The following DPP6 variants were observed in gnomAD, a reference collection of about 807,000 sequenced individuals.
DPP6 encodes the protein A-type potassium channel modulatory protein DPP6.
In DPP6, 69 loss-of-function variants were observed where a neutral mutation model predicts 122.6. That is an observed-to-expected ratio of 0.56 (90% CI 0.46 to 0.69). DPP6 has a LOEUF of 0.69. Among genes scored for constraint, DPP6 ranks in the 30% least tolerant of loss-of-function variants. The pLI, the probability that DPP6 is intolerant of heterozygous loss-of-function variation, is 0.00. For synonymous variants in DPP6, 418 were observed against 433.1 expected, an observed-to-expected ratio of 0.97 and a Z score of 0.43; for missense variants, 928 against 1,116.9, an observed-to-expected ratio of 0.83 and a Z score of 2.41.
rs71182854 is a variant in DPP6 at position 153,928,396 on chromosome 7, A to ATTTTTTTTTTTTTTTTTTTTTTTTTTT, written c.51+40687_51+40688insTTTTTTTTTTTTTTTTTTTTTTTTTTT. Among the ~76,000 whole-genome samples the ATTTTTTTTTTTTTTTTTTTTTTTTTTT allele has an allele frequency of 2.1e-3, 90 of 43,690 alleles. 18 individuals are homozygous for ATTTTTTTTTTTTTTTTTTTTTTTTTTT. The highest frequency in any genetic ancestry group is 4.0e-3 in the Admixed American group (10 of 2,484). 28.7% of individuals were successfully genotyped at this position (43,690 alleles called of 152,430 possible). On this transcript the variant is annotated intron_variant, in intron 1 of 25. Transcript: ENST00000404039. Reference sequence around the variant, plus strand: ...CTGGCTAATTTTTTTCTTTTCTTTCATTTTTTTTTTTTTTTTTTTTTTTTT... The same window carrying ATTTTTTTTTTTTTTTTTTTTTTTTTTT: ...CTGGCTAATTTTTTTCTTTTCTTTCATTTTTTTTTTTTTTTTTTTTTTTTTTTTTTTTTTTTTTTTTTTTTTTTTTTT...
intron 1 of DPP6, among the ~76,000 whole-genome samples, chr7:154,232,968 A>G (rs570550408): frequency 6.6e-6 from 1 of 152,368 alleles, no homozygotes; most frequent in African/African-American, 2.4e-5. Context: ...CACTATTTAT[A>G]TCACAGATTA....
chr7:154,653,200 T>C (rs542220980), intron 6 of DPP6, among the ~76,000 whole-genome samples: 2 of 152,286 alleles, frequency 1.3e-5, no homozygotes, highest in African/African-American at 4.8e-5. Flanking sequence ...TTTAAGAAGG[T>C]AAACAGAGCT....
chr7:154,210,668 G>A (rs894307772), intron 1 of DPP6, among the ~76,000 whole-genome samples: 2 of 152,072 alleles, frequency 1.3e-5, no homozygotes, highest in African/African-American at 2.4e-5. Flanking sequence ...GCACCTGGAC[G>A]AGCCCTGAGG....
intron 6 of DPP6, among the ~76,000 whole-genome samples, chr7:154,664,655 CTTT>C (rs59357287): frequency 7.9e-6 from 1 of 127,252 alleles, no homozygotes; most frequent in Non-Finnish European, 1.7e-5. Context: ...ATATGGAATT[CTTT>C]TTTTTTTTTT....
rs190493154 is a variant in DPP6, at chr7:154,695,317, C to G, written c.762+25876C>G. Reference sequence around the variant, plus strand: ...CAACCAAAAACTCACAGGAGTCAAACGAATACTATGAGCCACTATGTTTGC... The same window carrying G: ...CAACCAAAAACTCACAGGAGTCAAAGGAATACTATGAGCCACTATGTTTGC... On this transcript the variant is annotated intron_variant, in intron 7 of 25. Coordinates refer to ENST00000377770, the MANE Select transcript of DPP6 (RefSeq NM_130797.4). 3.3e-3 allele frequency among the ~76,000 whole-genome samples: 502 copies of G among 152,218 alleles called. 4 individuals are homozygous for G. Among genetic ancestry groups the G allele is most frequent in the African/African-American group, 0.012 (483 of 41,526 alleles).
chr7:154,558,827 A>G (rs187433472), intron 4 of DPP6, among the ~76,000 whole-genome samples: 43 of 152,238 alleles, frequency 2.8e-4, no homozygotes, highest in Non-Finnish European at 1.3e-4. Context: ...ACTAATGGCC[A>G]CTATGGAATA....
intron 1 of DPP6, among the ~76,000 whole-genome samples, chr7:154,264,920 GTGTTAATGA>G (rs1424270341): frequency 7.0e-6 from 1 of 142,294 alleles, no homozygotes; most frequent in Admixed American, 7.0e-5. Flanking sequence ...AGTGATGATG[GTGTTAATGA>G]TGTTAATGAT....
intron 1 of DPP6, among the ~76,000 whole-genome samples, chr7:154,301,467 C>CCT (rs1387716469): frequency 6.6e-6 from 1 of 152,100 alleles, no homozygotes; most frequent in Non-Finnish European, 1.5e-5. Context: ...TAGAAATGAG[C>CCT]CTGTAAAGTC....
At chr7:154,690,607 A>G (rs532702163) in intron 7 of DPP6, among the ~76,000 whole-genome samples, 4 of 151,938 alleles carry the variant, frequency 2.6e-5, no homozygotes, top group Non-Finnish European at 4.4e-5. Flanking sequence ...AATAGAGAGG[A>G]CTGCAACCCA....
At chr7:154,744,581 G>A (rs1353716355) in intron 8 of DPP6, among the ~76,000 whole-genome samples, 1 of 152,224 alleles carries the variant, frequency 6.6e-6, no homozygotes, top group Non-Finnish European at 1.5e-5. Context: ...AGCCTTGCAA[G>A]GTAAAAGCTC....
chr7:154,544,186 T>C (rs573449826), intron 4 of DPP6, among the ~76,000 whole-genome samples: 1 of 149,342 alleles, frequency 6.7e-6, no homozygotes, highest in Non-Finnish European at 1.5e-5. Context: ...TATTTCCTGA[T>C]CCTTATTATT....
chr7:154,244,842 A>T (rs900936624), intron 1 of DPP6, among the ~76,000 whole-genome samples: 1 of 152,240 alleles, frequency 6.6e-6, no homozygotes, highest in Non-Finnish European at 1.5e-5. Flanking sequence ...TAGGAAACTT[A>T]AAACTAAACT....
At chr7:153,876,447 A>T in the DPP6 span, among the ~76,000 whole-genome samples, 1 of 151,972 alleles carries the variant, frequency 6.6e-6, no homozygotes, top group Admixed American at 6.6e-5. Context: ...AAGTATAGGG[A>T]TTGAAATTCT....
chr7:154,859,639 C>T (rs1033503147), intron 17 of DPP6, among the ~76,000 whole-genome samples: 3 of 152,174 alleles, frequency 2.0e-5, no homozygotes, highest in Non-Finnish European at 4.4e-5. Flanking sequence ...GCGGGGTGTT[C>T]ACAGATGTGA....
intron 1 of DPP6, among the ~76,000 whole-genome samples, chr7:154,308,989 G>GTC (rs1480850466): frequency 6.6e-6 from 1 of 152,208 alleles, no homozygotes; most frequent in Non-Finnish European, 1.5e-5. Flanking sequence ...CACGTGAACA[G>GTC]TCACACACAG....
At chr7:154,240,036 A>G (rs1379334315) in intron 1 of DPP6, among the ~76,000 whole-genome samples, 2 of 121,082 alleles carry the variant, frequency 1.7e-5, no homozygotes, top group East Asian at 2.7e-4. Context: ...AAAAAAAAAA[A>G]AAGTGATACA....
intron 7 of DPP6, among the ~76,000 whole-genome samples, chr7:154,674,146 G>C (rs1838746290): frequency 6.6e-6 from 1 of 152,112 alleles, no homozygotes; most frequent in Admixed American, 6.5e-5. Context: ...AAAGTGCTGG[G>C]ATTATAAGCA....
chr7:154,739,486 C>T lies in DPP6; in HGVS notation c.883+11599C>T, dbSNP rs529487918. On this transcript the variant is annotated intron_variant, in intron 8 of 25. Coordinates refer to ENST00000377770, the MANE Select transcript of DPP6 (RefSeq NM_130797.4). ...GGGAGTATGGGAGAGGCATTGTCTG[C>T]CCGGATCACAAATGACGTTCTTGAA... 7.7e-4 allele frequency among the ~76,000 whole-genome samples: 117 copies of T among 152,228 alleles called. 1 individual carries two copies. Among genetic ancestry groups the T allele is most frequent in the African/African-American group, 2.7e-3 (112 of 41,536 alleles).
intron 22 of DPP6, among the ~76,000 whole-genome samples, chr7:154,886,426 A>C (rs1376906908): frequency 1.3e-5 from 2 of 152,194 alleles, no homozygotes. Flanking sequence ...CCAGGCACAG[A>C]AGGGCTTTGC....
Sources: allele counts gnomAD v4.1 joint callset (sites outside exome capture counted in the v4.1 genomes callset), GRCh38; gene constraint gnomAD v4.1.1; transcripts MANE v1.5; gene names NCBI Gene and HGNC (gene_info 2026-07-23, HGNC 2026-07-21).